The following CNBD2 variants were observed in gnomAD, a reference collection of about 807,000 sequenced individuals.
The protein encoded by CNBD2 is cyclic nucleotide binding domain containing 2.
Under a neutral mutation model 63.7 loss-of-function variants are expected in CNBD2, and 64 were observed. The observed-to-expected ratio is 1.00, with a 90% CI of 0.82 to 1.24. The LOEUF (loss-of-function observed/expected upper bound fraction) is 1.24. Ranked by LOEUF, CNBD2 falls within the 50% of genes most tolerant of loss-of-function variation. The pLI is 0.00. For synonymous variants in CNBD2, 229 were observed against 255.4 expected, an observed-to-expected ratio of 0.90 and a Z score of 0.99; for missense variants, 691 against 713.5, an observed-to-expected ratio of 0.97 and a Z score of 0.36.
intron 10 of CNBD2, among the ~76,000 whole-genome samples, chr20:36,019,075 A>T (rs1342411599): frequency 6.6e-6 from 1 of 152,232 alleles, no homozygotes; most frequent in Non-Finnish European, 1.5e-5. Context: ...GTCAGGACAG[A>T]CAACAAACAG....
rs1339617992 is a variant in CNBD2, at chr20:35,968,829, G to A, written c.51+16G>A. 1 of 1,597,842 alleles carries A rather than the reference G, an allele frequency of 6.3e-7. No individual in the cohort carries two copies. The highest frequency in any genetic ancestry group is 2.2e-5 in the East Asian group (1 of 44,680). On this transcript the variant is annotated intron_variant, in intron 1 of 11. Transcript: ENST00000373973. ...GAAGGAACTGGTGAGGAGGGGCAAG[G>A]GCCCTGGGAGGGAAGAGCAGAAGAC...
chr20:36,023,736 A>T lies in CNBD2; in HGVS notation c.1404A>T (p.Ile468=), dbSNP rs766599599. The change falls in exon 11 of 12, where the codon ATA becomes ATT. Residue 468 remains isoleucine, a synonymous_variant. Coordinates refer to ENST00000373973, the MANE Select transcript of CNBD2 (RefSeq NM_001365709.1). ...YELIDNDDEM[I]KKLLKLNIAF... is the part of the protein sequence containing the mutation. ...TGATTGACAATGATGACGAGATGAT[A>T]AAAAAGTTGTTAAAGCTCAATATTG... 8 of 1,613,232 alleles carry T rather than the reference A, an allele frequency of 5.0e-6. No individual in the cohort carries two copies. The highest frequency in any genetic ancestry group is 6.8e-6 in the Non-Finnish European group (8 of 1,179,612).
intron 10 of CNBD2, among the ~76,000 whole-genome samples, chr20:36,014,599 G>A (rs992800858): frequency 6.6e-6 from 1 of 150,580 alleles, no homozygotes; most frequent in Non-Finnish European, 1.5e-5. Flanking sequence ...AAAGTGCTGG[G>A]ATTACAGGCA....
chr20:35,954,753 G>A, exon 1 of CNBD2: 1 of 639,222 alleles, frequency 1.6e-6, no homozygotes, highest in Non-Finnish European at 2.3e-6. Context: ...TCGGTTTGCA[G>A]GTGACCTTTG....
chr20:35,975,596 A>G (rs76880121), intron 2 of CNBD2, among the ~76,000 whole-genome samples: 2,415 of 151,372 alleles, frequency 0.016, 35 homozygotes, highest in Non-Finnish European at 0.025. Flanking sequence ...CACCGCGCCC[A>G]GCCTGTTCCT....
At chr20:35,982,887 A>AT (rs1296784781) in intron 4 of CNBD2, among the ~76,000 whole-genome samples, 2 of 151,952 alleles carry the variant, frequency 1.3e-5, no homozygotes, top group Non-Finnish European at 2.9e-5. Flanking sequence ...TAATCTTTGC[A>AT]TTTTTTGTAG....
At chr20:35,986,303 G>A (rs1187313257) in intron 6 of CNBD2, among the ~76,000 whole-genome samples, 1 of 152,066 alleles carries the variant, frequency 6.6e-6, no homozygotes, top group Non-Finnish European at 1.5e-5. Flanking sequence ...CTGGAAAAGT[G>A]GGGATTTAGT....
chr20:35,962,117 G>A (rs771175025), intron 2 of CNBD2, among the ~76,000 whole-genome samples: 3 of 152,092 alleles, frequency 2.0e-5, no homozygotes, highest in Non-Finnish European at 2.9e-5. Context: ...CCTCATTGCC[G>A]CACAGGCTGA....
intron 9 of CNBD2, among the ~76,000 whole-genome samples, chr20:36,009,326 C>T (rs61482848): frequency 2.8e-4 from 43 of 151,900 alleles, no homozygotes; most frequent in African/African-American, 9.9e-4. Flanking sequence ...CTCAGCCTCC[C>T]GAGTAGCTGG....
In CNBD2 at chr20:35,954,722, G is replaced by A. The variant is rs561459039; in HGVS notation, c.17G>A (p.Arg6Gln). The A allele has an allele frequency of 4.3e-6, 4 of 927,966 alleles. No individual in the cohort carries two copies. In the South Asian group the frequency reaches 6.8e-5, roughly 16 times the overall value. The allele number at this position is 927,966 out of a possible 1,614,324, so 57.5% of individuals were successfully genotyped here. ...TGTTTGGAGATAGACTTCAAGTCCC[G>A]GACCTTATCCGTGCGCCGCTTCGGT... is the stretch of plus-strand genomic sequence containing the variant. Residue 6 changes from arginine to glutamine, a missense_variant, in exon 1 of 1, where the codon CGG (arginine) becomes CAG (glutamine). Coordinates refer to the CNBD2 transcript ENST00000614708.
intron 10 of CNBD2, among the ~76,000 whole-genome samples, chr20:36,023,385 G>C (rs571162021): frequency 6.6e-6 from 1 of 152,238 alleles, no homozygotes; most frequent in African/African-American, 2.4e-5. Context: ...GGTAGCGCAT[G>C]CCTGTAATCC....
In CNBD2 at chr20:35,983,963, A is replaced by G; in HGVS notation, c.408-19A>G. The G allele has an allele frequency of 1.9e-6, 3 of 1,614,066 alleles. No homozygotes were observed. The highest frequency in any genetic ancestry group is 2.5e-6 in the Non-Finnish European group (3 of 1,179,980). ...CCCCCATGTCACTACCCAATCAACT[A>G]GCAGTGGTCTTTTCCCAGGTTTGGT... On this transcript the variant is annotated intron_variant, in intron 4 of 11. Transcript: ENST00000373973.
chr20:35,958,813 A>G (rs533734367), downstream of CNBD2: 4 of 152,320 alleles, frequency 2.6e-5, no homozygotes, highest in Non-Finnish European at 4.4e-5. Flanking sequence ...GGCAACCACT[A>G]ATCTATTCTC....
At chr20:36,011,443 A>G (rs1177751617) in intron 10 of CNBD2, among the ~76,000 whole-genome samples, 186 bp downstream of exon 10, 1 of 152,092 alleles carries the variant, frequency 6.6e-6, no homozygotes, top group East Asian at 1.9e-4. Flanking sequence ...TCCCAGCACT[A>G]TGAGAGGCCG....
chr20:35,999,835 G>A (rs1045653298), intron 8 of CNBD2, among the ~76,000 whole-genome samples: 4 of 151,946 alleles, frequency 2.6e-5, no homozygotes, highest in African/African-American at 9.7e-5. Context: ...CTGCCACCAT[G>A]CCCAGCTAAT....
chr20:35,984,861 A>C, intron 6 of CNBD2, 83 bp downstream of exon 6: 1 of 1,395,258 alleles, frequency 7.2e-7, no homozygotes, highest in Non-Finnish European at 1.0e-6. Flanking sequence ...CCTGGTGGGA[A>C]ACATACTGGT....
At chr20:35,976,070 G>C in intron 3 of CNBD2, 68 bp downstream of exon 3, 1 of 1,407,518 alleles carries the variant, frequency 7.1e-7, no homozygotes, top group Non-Finnish European at 1.0e-6. Context: ...AGAAACCCTG[G>C]CTGGGTATCA....
chr20:36,009,715 C>T (rs557437577), intron 9 of CNBD2, among the ~76,000 whole-genome samples: 181 of 152,084 alleles, frequency 1.2e-3, no homozygotes, highest in African/African-American at 4.2e-3. Context: ...GCCTGTAGTT[C>T]CAGCTACTTG....
chr20:35,967,014 A>C (rs1568844136), upstream of CNBD2, among the ~76,000 whole-genome samples: 1 of 152,168 alleles, frequency 6.6e-6, no homozygotes, highest in Non-Finnish European at 1.5e-5. Context: ...CTCTCCCACC[A>C]GATTGCCTTG....
Sources: gnomAD v4.1 joint callset for allele counts (sites outside exome capture counted in the v4.1 genomes callset) on GRCh38, gnomAD v4.1.1 for gene constraint, MANE v1.5 for transcripts, NCBI Gene and HGNC (gene_info 2026-07-23, HGNC 2026-07-21) for gene names.